The following RGL1 variants were observed in gnomAD, a reference collection of about 807,000 sequenced individuals.
RGL1 encodes the protein ral guanine nucleotide dissociation stimulator like 1, also known as ral guanine nucleotide dissociation stimulator-like 1.
A neutral mutation model predicts 95.2 loss-of-function variants in RGL1; 24 were observed. The observed-to-expected ratio is 0.25, with a 90% CI of 0.18 to 0.35. The LOEUF is 0.35. RGL1 is among the 10% of genes least tolerant of loss of function. RGL1 has a pLI of 1.00. For synonymous variants in RGL1, 329 were observed against 344.9 expected, an observed-to-expected ratio of 0.95 and a Z score of 0.51; for missense variants, 715 against 936.3, an observed-to-expected ratio of 0.76 and a Z score of 3.08.
intron 1 of RGL1, chr1:183,710,114 T>C: frequency 5.2e-6 from 1 of 193,542 alleles, no homozygotes; most frequent in Non-Finnish European, 1.1e-5. Context: ...ATGTGCCACT[T>C]TCACTCTACA....
chr1:183,815,773 G>A (rs1662042371), intron 2 of RGL1, among the ~76,000 whole-genome samples: 1 of 152,238 alleles, frequency 6.6e-6, no homozygotes, highest in East Asian at 1.9e-4. Context: ...TGACTGTCAG[G>A]AGTAAATGAG....
intron 2 of RGL1, among the ~76,000 whole-genome samples, chr1:183,750,809 G>A (rs186311499): frequency 6.6e-6 from 1 of 152,236 alleles, no homozygotes; most frequent in Non-Finnish European, 1.5e-5. Context: ...CCTTCTAACA[G>A]TCAGGTCCCT....
chr1:183,744,225 G>C (rs1657484450), intron 2 of RGL1, among the ~76,000 whole-genome samples: 1 of 151,956 alleles, frequency 6.6e-6, no homozygotes, highest in African/African-American at 2.4e-5. Flanking sequence ...TCCAATCCAA[G>C]GAAGTAACCT....
chr1:183,916,364 A>T, intron 15 of RGL1, 83 bp from the exon 16 acceptor site: 2 of 1,520,072 alleles, frequency 1.3e-6, no homozygotes, highest in East Asian at 4.5e-5. Flanking sequence ...ATCAGTCTTG[A>T]TATCTACCTC....
At chr1:183,848,895 G>C (rs1249372347) in intron 3 of RGL1, among the ~76,000 whole-genome samples, 2 of 151,934 alleles carry the variant, frequency 1.3e-5, no homozygotes, top group Non-Finnish European at 2.9e-5. Context: ...AAATCACTGT[G>C]AACCATCCTT....
intron 2 of RGL1, among the ~76,000 whole-genome samples, chr1:183,777,789 A>C (rs1326732263): frequency 6.6e-6 from 1 of 152,198 alleles, no homozygotes; most frequent in African/African-American, 2.4e-5. Flanking sequence ...CCTGGCCATT[A>C]GCTTTTAATT....
chr1:183,838,006 A>G (rs929794386), intron 2 of RGL1, among the ~76,000 whole-genome samples: 4 of 152,170 alleles, frequency 2.6e-5, no homozygotes, highest in Non-Finnish European at 2.9e-5. Flanking sequence ...CCCGGTTCCT[A>G]ACAGGCCATA....
At chr1:183,684,260 G>A (rs1462965304) in intron 1 of RGL1, among the ~76,000 whole-genome samples, 1 of 152,166 alleles carries the variant, frequency 6.6e-6, no homozygotes, top group Non-Finnish European at 1.5e-5. Flanking sequence ...CTGGTTTTTG[G>A]AACTTTTAGC....
intron 1 of RGL1, among the ~76,000 whole-genome samples, chr1:183,639,638 A>G (rs1358700735): frequency 6.6e-6 from 1 of 151,772 alleles, no homozygotes; most frequent in African/African-American, 2.4e-5. Flanking sequence ...ATGATTACAC[A>G]TTAAAGTGGA....
intron 2 of RGL1, among the ~76,000 whole-genome samples, chr1:183,768,424 C>A (rs1194078331): frequency 1.3e-5 from 2 of 148,848 alleles, no homozygotes; most frequent in Non-Finnish European, 3.0e-5. Flanking sequence ...CATAAATAAC[C>A]TTTTCAAGCC....
intron 1 of RGL1, among the ~76,000 whole-genome samples, chr1:183,669,585 A>G (rs999742970): frequency 2.6e-5 from 4 of 152,210 alleles, no homozygotes; most frequent in African/African-American, 9.7e-5. Flanking sequence ...ATTTTTGGTT[A>G]AAAGGTACAC....
chr1:183,911,599 C>G (rs944205879), intron 14 of RGL1, among the ~76,000 whole-genome samples: 1 of 152,188 alleles, frequency 6.6e-6, no homozygotes, highest in African/African-American at 2.4e-5. Flanking sequence ...GCAAGCTCAA[C>G]TAAAAAGAGT....
At chr1:183,875,233 T>C (rs12563514) in intron 4 of RGL1, among the ~76,000 whole-genome samples, 26,342 of 152,250 alleles carry the variant, frequency 0.17, 2,959 homozygotes, top group East Asian at 0.41. Flanking sequence ...GTTATTCTTT[T>C]TGTCACGGTA....
At chr1:183,718,233 CAAAA>C (rs34825782) in intron 1 of RGL1, among the ~76,000 whole-genome samples, 2 of 114,810 alleles carry the variant, frequency 1.7e-5, no homozygotes, top group Non-Finnish European at 3.6e-5. Flanking sequence ...GACTTGGTCT[CAAAA>C]AAAAAAAAAA....
chr1:183,904,710 C>A, intron 12 of RGL1, 140 bp from the exon 13 acceptor site: 1 of 801,730 alleles, frequency 1.2e-6, no homozygotes, highest in Non-Finnish European at 1.9e-6. Context: ...TTTAAGGAAG[C>A]AGTATTTCAG....
At chr1:183,776,980 A>G (rs1040843350) in intron 2 of RGL1, among the ~76,000 whole-genome samples, 18 of 152,330 alleles carry the variant, frequency 1.2e-4, no homozygotes, top group African/African-American at 4.3e-4. Context: ...TTTTTAATGG[A>G]CAGAAACTTA....
intron 1 of RGL1, chr1:183,648,845 G>C: frequency 1.5e-6 from 2 of 1,359,646 alleles, no homozygotes; most frequent in Non-Finnish European, 2.0e-6. Flanking sequence ...TATAAAACCA[G>C]CGCAGGAAAA....
intron 1 of RGL1, among the ~76,000 whole-genome samples, chr1:183,734,965 T>C (rs1656847819): frequency 6.6e-6 from 1 of 152,228 alleles, no homozygotes; most frequent in African/African-American, 2.4e-5. Context: ...TTCCTTGTGT[T>C]GGCCCTCTGT....
chr1:183,754,312 G>A (rs891020398), intron 2 of RGL1: 5 of 152,170 alleles, frequency 3.3e-5, no homozygotes, highest in Non-Finnish European at 5.9e-5. Flanking sequence ...TCTCCCATAA[G>A]CTAACCTTGG....
Sources: gnomAD v4.1 joint callset for allele counts (sites outside exome capture counted in the v4.1 genomes callset) on GRCh38, gnomAD v4.1.1 for gene constraint, MANE v1.5 for transcripts, NCBI Gene and HGNC (gene_info 2026-07-23, HGNC 2026-07-21) for gene names.